The following MYO15A variants were observed in gnomAD, a reference collection of about 807,000 sequenced individuals.
MYO15A encodes myosin XVA.
A neutral mutation model predicts 394.6 loss-of-function variants in MYO15A; 308 were observed. The observed-to-expected ratio is 0.78, with a 90% confidence interval of 0.71 to 0.86. The LOEUF (loss-of-function observed/expected upper bound fraction) is 0.86. MYO15A is among the 40% of genes least tolerant of loss of function. The probability of loss-of-function intolerance (pLI) is 0.00; values close to 1 mark genes in which losing one functional copy is unlikely to be tolerated. For synonymous variants in MYO15A, 1,957 were observed against 2,003.8 expected (o/e 0.98, Z 0.62); for missense variants, 4,606 against 4,799.1 (o/e 0.96, Z 1.19).
At chr17:18,110,493 G>A (rs1166835802) in intron 1 of MYO15A, 3 of 152,216 alleles carry the variant, frequency 2.0e-5, no homozygotes, top group African/African-American at 7.2e-5. Flanking sequence ...CCGACTTCAG[G>A]AGGTTGTAGT....
chr17:18,142,343 C>A, intron 24 of MYO15A, 89 bp downstream of exon 24: 2 of 1,449,726 alleles, frequency 1.4e-6, no homozygotes, highest in Non-Finnish European at 1.9e-6. Context: ...AGCTCCCTAT[C>A]CCTGGAGGCA....
rs751338802 is a variant in MYO15A at position 18,144,532 on chromosome 17, G to C, written c.6213G>C (p.Arg2071Ser). 5 of 1,613,238 alleles carry C rather than the reference G, an allele frequency of 3.1e-6. No individual in the cohort carries two copies. The African/African-American group carries it at 6.7e-5, about 22-fold the overall frequency. Residue 2071 changes from arginine to serine, a missense_variant, in exon 29 of 66, where the codon AGG becomes AGC. Around this residue, in one of 2 missense-constraint regions of MYO15A, gnomAD observed 2,776 missense variants for 3,109.3 expected, o/e 0.89. Coordinates refer to ENST00000647165, the MANE Select transcript of MYO15A (RefSeq NM_016239.4). ...PAFGMLTVPL[R>S]TPLTQLPAEH... ...TTGGGATGCTGACAGTGCCCCTGAG[G>C]ACACCCCTCACGCAGCTGCCAGCCG...
At chr17:18,144,054 G>C (rs1341640313) in intron 28 of MYO15A, 54 bp downstream of exon 28, 1 of 1,610,990 alleles carries the variant, frequency 6.2e-7, no homozygotes, top group African/African-American at 1.3e-5. Context: ...TGACCAATTA[G>C]AATGGACATT....
chr17:18,137,787 A>G, intron 16 of MYO15A, 108 bp downstream of exon 16: 1 of 1,247,136 alleles, frequency 8.0e-7, no homozygotes, highest in East Asian at 2.5e-5. Flanking sequence ...TGACATCAGT[A>G]GACAGTAGAG....
At chr17:18,131,611 A>G (rs2046167752) in intron 10 of MYO15A, 80 bp downstream of exon 10, 2 of 1,511,864 alleles carry the variant, frequency 1.3e-6, no homozygotes, top group Admixed American at 1.7e-5. Context: ...GGCCCCTGGT[A>G]GGGCTAGGTA....
At chr17:18,173,665 C>A in intron 64 of MYO15A, 116 bp from the exon 65 acceptor site, 2 of 1,421,384 alleles carry the variant, frequency 1.4e-6, no homozygotes, top group Non-Finnish European at 2.0e-6. Context: ...GGAACTGGTA[C>A]TTGAACTGGA....
rs1198452340 is a variant in MYO15A, at chr17:18,155,378, T to C, written c.8405T>C (p.Met2802Thr). Reference protein sequence around the residue: ...VSHVGIKLLRMVKGGQEAGGQ... With the variant: ...VSHVGIKLLRTVKGGQEAGGQ... Reference sequence around the variant, plus strand: ...CACGTGGGCATCAAACTCCTGAGGATGGTCAAGGGTGGCCAGGAGGCCGGC... The same window carrying C: ...CACGTGGGCATCAAACTCCTGAGGACGGTCAAGGGTGGCCAGGAGGCCGGC... Residue 2802 changes from methionine (M) to threonine (T), a missense_variant, in exon 47 of 66, where the codon ATG (methionine) becomes ACG (threonine). Around this residue, in one of 2 missense-constraint regions of MYO15A, gnomAD observed 2,776 missense variants for 3,109.3 expected, o/e 0.89. Coordinates refer to ENST00000647165, the MANE Select transcript of MYO15A (RefSeq NM_016239.4). 1.9e-6 allele frequency: 3 copies of C among 1,613,676 alleles called. No homozygotes were observed. The highest frequency in any genetic ancestry group is 2.5e-6 in the Non-Finnish European group (3 of 1,180,006).
At position 18,130,817 on chromosome 17, in the gene MYO15A, AGTGTGTGTGTGTGT is replaced by A. The variant is rs59214589; in HGVS notation, c.4038+48_4038+61del. 9.5e-4 allele frequency: 1,133 copies of A among 1,192,854 alleles called. 1 individual carries two copies. The highest frequency in any genetic ancestry group is 2.4e-3 in the Middle Eastern group (10 of 4,154). The allele number at this position is 1,192,854 out of a possible 1,614,324, so 73.9% of individuals were successfully genotyped here. On this transcript the variant is annotated splice_region_variant and intron_variant, in intron 8 of 65. Transcript: ENST00000647165. ...GACGCTCTTGAAGATAAAGGTACTC[AGTGTGTGTGTGTGT>A]GTGTGTGTGTGTGTGTGTGTGTGTG...
Position 18,120,718 on chromosome 17 carries a change from G to T in MYO15A, c.1918G>T (p.Asp640Tyr). The T allele has an allele frequency of 8.7e-6, 13 of 1,495,210 alleles. No homozygotes were observed. The highest frequency in any genetic ancestry group is 1.1e-5 in the Non-Finnish European group (13 of 1,132,922). The allele number at this position is 1,495,210 out of a possible 1,614,324, so 92.6% of individuals were successfully genotyped here. The change falls in exon 2 of 66, where the codon GAC becomes TAC. Residue 640 changes from aspartate to tyrosine, a missense_variant. Asp to Tyr is a radical substitution (Grantham distance 160). Coordinates refer to ENST00000647165, the MANE Select transcript of MYO15A (RefSeq NM_016239.4). The part of the protein sequence containing the change: ...RAQPRARSSN[D>Y]ARRPPAPQPA... ...CCAGCCACGCGCTCGCAGCAGCAAC[G>T]ACGCGCGCCGCCCGCCCGCGCCACA...
rs78602036 is a variant in MYO15A at position 18,132,617 on chromosome 17, G to A, written c.4320+51G>A. ...CCCCTGGCCCTGGTCCTCCCACCCC[G>A]ACGCCCCTGGCTGGGCCTTGGGAGC... On this transcript the variant is annotated intron_variant, in intron 11 of 65. Coordinates refer to ENST00000647165, the MANE Select transcript of MYO15A (RefSeq NM_016239.4). The surrounding 1 kb of genome is among the most constrained non-coding windows in gnomAD (Gnocchi z 4.6). 7.2e-5 allele frequency: 108 copies of A among 1,501,494 alleles called. No individual in the cohort carries two copies. Among genetic ancestry groups the A allele is most frequent in the African/African-American group, 6.7e-4 (49 of 72,894 alleles). 93.0% of individuals were successfully genotyped at this position (1,501,494 alleles called of 1,614,324 possible).
rs141092701 is a variant in MYO15A, at chr17:18,110,700, C to G, written c.-220+1876C>G. Among the ~76,000 whole-genome samples the G allele has an allele frequency of 2.1e-3, 320 of 152,322 alleles. 2 individuals carry two copies. Among genetic ancestry groups the G allele is most frequent in the Non-Finnish European group, 3.4e-3 (232 of 68,036 alleles). On this transcript the variant is annotated intron_variant, in intron 1 of 65. Coordinates refer to ENST00000647165, the MANE Select transcript of MYO15A (RefSeq NM_016239.4). ...ACCAAGCCTGGCACATAGTAAACAT[C>G]TGGAAATGCGAAACAGTGACCAAAG...
At chr17:18,149,129 C>T in intron 33 of MYO15A, 87 bp from the exon 34 acceptor site, 3 of 1,551,432 alleles carry the variant, frequency 1.9e-6, no homozygotes, top group South Asian at 1.2e-5. Context: ...ATGGAGAAAG[C>T]CACTGAATAC....
At position 18,131,268 on chromosome 17, in the gene MYO15A, C is replaced by T. The variant is rs865869126; in HGVS notation, c.4068C>T (p.Ser1356=). The part of the protein sequence containing the change: ...KILEATPLLE[S]FGNAKTVRND... ...TGGAGGCAACACCCCTCTTGGAGTC[C>T]TTCGGTAATGCCAAAACCGTCAGGA... is the stretch of plus-strand genomic sequence containing the variant. Residue 1356 remains serine, a synonymous_variant, in exon 9 of 66, where the codon TCC becomes TCT. Transcript: ENST00000647165. 1 of 1,614,100 alleles carries T rather than the reference C, an allele frequency of 6.2e-7. No homozygotes were observed. The highest frequency in any genetic ancestry group is 8.5e-7 in the Non-Finnish European group (1 of 1,179,992).
In MYO15A at chr17:18,155,160, C is replaced by T. The variant is rs1202893656; in HGVS notation, c.8275C>T (p.Arg2759Trp). Residue 2759 changes from arginine to tryptophan, a missense_variant, in exon 46 of 66, where the codon CGG (arginine) becomes TGG (tryptophan). Arg to Trp is a moderately radical substitution (Grantham distance 101, BLOSUM62 -3). This residue lies in a region of MYO15A where 2,776 missense variants were observed against 3,109.3 expected (regional missense o/e 0.89). Coordinates refer to ENST00000647165, the MANE Select transcript of MYO15A (RefSeq NM_016239.4). The stretch of plus-strand genomic sequence containing the variant: ...GCCTCTGGTAACGGAAAGCGTGAAG[C>T]GGGCCGTGGTCAGCACTGCACGAGA... ...QKPLVTESVK[R>W]AVVSTARDTW... 15 of 1,613,840 alleles carry T rather than the reference C, an allele frequency of 9.3e-6. No individual in the cohort carries two copies. The highest frequency in any genetic ancestry group is 2.2e-5 in the East Asian group (1 of 44,898).
chr17:18,111,367 CAA>C (rs2045719133), intron 1 of MYO15A, among the ~76,000 whole-genome samples: 1 of 113,594 alleles, frequency 8.8e-6, no homozygotes, highest in African/African-American at 3.1e-5. Context: ...AAAAAAAAAA[CAA>C]AGTCTGTGTC....
intron 62 of MYO15A, among the ~76,000 whole-genome samples, chr17:18,168,650 C>T (rs1597821911): frequency 6.6e-6 from 1 of 152,134 alleles, no homozygotes. Context: ...AAGTAACCCT[C>T]CTGCCTCAGC....
At position 18,140,565 on chromosome 17, in the gene MYO15A, C is replaced by T. The variant is rs371135457; in HGVS notation, c.5260C>T (p.Arg1754Cys). ...SSHAPQAAPQ[R>C]LGKSSSVTRL... ...CCATGCCCCACAGGCTGCCCCTCAG[C>T]GCCTGGGCAAGAGCAGCTCCGTCAC... The change falls in exon 20 of 66, where the codon CGC becomes TGC. Residue 1754 changes from arginine (R) to cysteine (C), a missense_variant. Arg to Cys is a radical substitution (Grantham distance 180). This residue lies in a region of MYO15A where 2,776 missense variants were observed against 3,109.3 expected (regional missense o/e 0.89). Transcript: ENST00000647165. 3.1e-5 allele frequency: 50 copies of T among 1,613,600 alleles called. No homozygotes were observed. Among genetic ancestry groups the T allele is most frequent in the South Asian group, 2.3e-4 (21 of 91,090 alleles).
In MYO15A at chr17:18,120,378, C is replaced by A; in HGVS notation, c.1578C>A (p.Pro526=). ...EEELPPVSAV[P]YGHPFWGFLT... is the part of the protein sequence containing the mutation. The stretch of plus-strand genomic sequence containing the variant: ...AGCTGCCCCCGGTTTCCGCTGTGCC[C>A]TACGGCCACCCTTTCTGGGGCTTCC... The change falls in exon 2 of 66, where the codon CCC becomes CCA. Residue 526 remains proline (P), a synonymous_variant. Transcript: ENST00000647165. 6.2e-7 allele frequency: 1 copy of A among 1,611,576 alleles called. No individual in the cohort carries two copies. Among genetic ancestry groups the A allele is most frequent in the Non-Finnish European group, 8.5e-7 (1 of 1,179,828 alleles).
In MYO15A at chr17:18,150,666, T is replaced by G. The variant is rs761995384; in HGVS notation, c.7328-32T>G. The G allele has an allele frequency of 6.3e-7, 1 of 1,591,444 alleles. No individual in the cohort carries two copies. Among genetic ancestry groups the G allele is most frequent in the Non-Finnish European group, 8.6e-7 (1 of 1,167,670 alleles). Reference sequence around the variant, plus strand: ...AGGACAGGGAGGAGGGCATCTCCGGTGCCATCTGTGCCTTCTGCCCCCTCC... The same window carrying G: ...AGGACAGGGAGGAGGGCATCTCCGGGGCCATCTGTGCCTTCTGCCCCCTCC... On this transcript the variant is annotated intron_variant, in intron 36 of 65. Transcript: ENST00000647165. This position sits in a 1 kb window ranked among gnomAD's most constrained non-coding sequence, Gnocchi z 4.4.
Sources: allele counts gnomAD v4.1 joint callset (sites outside exome capture counted in the v4.1 genomes callset), GRCh38; gene constraint gnomAD v4.1.1; regional missense constraint gnomAD v4.1.1; non-coding constraint Gnocchi (gnomAD v3.1); transcripts MANE v1.5; gene names NCBI Gene and HGNC (gene_info 2026-07-23, HGNC 2026-07-21).